Variants in GPAT3 observed in about 807,000 individuals in gnomAD.
GPAT3 encodes the protein glycerol-3-phosphate acyltransferase 3.
A neutral mutation model predicts 58.8 loss-of-function variants in GPAT3; 53 were observed. The ratio of observed to expected loss-of-function variants is 0.90; its 90% CI spans 0.72 to 1.13. The LOEUF (loss-of-function observed/expected upper bound fraction) is 1.13. Ranked by LOEUF, GPAT3 falls within the 50% of genes most tolerant of loss-of-function variation. GPAT3 has a pLI of 0.00. For synonymous variants in GPAT3, 197 were observed against 187.4 expected (o/e 1.05, Z -0.42); for missense variants, 511 against 527.6 (o/e 0.97, Z 0.31).
At chr4:83,597,379 A>T (rs1428500569) in intron 8 of GPAT3, 51 bp from the exon 9 acceptor site, 4 of 985,720 alleles carry the variant, frequency 4.1e-6, no homozygotes, top group Non-Finnish European at 5.8e-6. Context: ...ATTTATTTTT[A>T]AAATGACTGC....
chr4:83,587,442 T>A, intron 4 of GPAT3, 113 bp downstream of exon 4: 11 of 1,007,736 alleles, frequency 1.1e-5, no homozygotes, highest in East Asian at 2.6e-5. Context: ...TATTATTATT[T>A]TTGAGACGGA....
chr4:83,546,872 C>A (rs572849810), intron 2 of GPAT3, among the ~76,000 whole-genome samples: 82 of 152,084 alleles, frequency 5.4e-4, no homozygotes, highest in Non-Finnish European at 9.1e-4. Flanking sequence ...CAACTTTGCT[C>A]CCCTCCTGAT....
intron 11 of GPAT3, among the ~76,000 whole-genome samples, chr4:83,599,997 G>C (rs191692541): frequency 6.1e-4 from 93 of 152,130 alleles, no homozygotes; most frequent in Non-Finnish European, 1.5e-4. Context: ...TGTGAATGTG[G>C]TCTCTCTCTT....
rs1052473 is a variant in GPAT3 at position 83,605,420 on chromosome 4, A to G, written c.*653A>G. 0.68 allele frequency: 103,584 copies of G among 152,098 alleles called. 36,239 individuals carry two copies. Among genetic ancestry groups the G allele is most frequent in the African/African-American group, 0.85 (35,259 of 41,536 alleles). 9.4% of individuals were successfully genotyped at this position (152,098 alleles called of 1,614,324 possible). On this transcript the variant is annotated 3_prime_UTR_variant, in exon 12 of 12. Coordinates refer to ENST00000264409, the MANE Select transcript of GPAT3 (RefSeq NM_032717.5). ...TAGGCAGCTCGTAGACCACATTTTA[A>G]CCAGCAACTGGTAACAAAGAGCTTA...
At chr4:83,540,901 G>GC (rs1478141445) in intron 1 of GPAT3, among the ~76,000 whole-genome samples, 24 of 151,980 alleles carry the variant, frequency 1.6e-4, no homozygotes, top group African/African-American at 5.3e-4. Context: ...TGTTGGTCAG[G>GC]CTGGTCTCCG....
intron 11 of GPAT3, among the ~76,000 whole-genome samples, chr4:83,602,960 T>G (rs1341109201): frequency 1.3e-5 from 2 of 152,202 alleles, no homozygotes; most frequent in Non-Finnish European, 2.9e-5. Context: ...GTTTTTAAGT[T>G]GAGGACTTAT....
At chr4:83,552,664 G>A (rs957935962) in intron 2 of GPAT3, among the ~76,000 whole-genome samples, 6 of 152,124 alleles carry the variant, frequency 3.9e-5, no homozygotes, top group African/African-American at 1.4e-4. Flanking sequence ...ATAATCTAAC[G>A]AGAATATACT....
Position 83,544,391 on chromosome 4 carries a change from A to G in GPAT3, c.142-145A>G, listed in dbSNP as rs1043630664. Reference sequence around the variant, plus strand: ...TATACTTGGGACTTGGAATATTGCTATATCAGAGATTCCCTGGGGTTAGCT... The same window carrying G: ...TATACTTGGGACTTGGAATATTGCTGTATCAGAGATTCCCTGGGGTTAGCT... On this transcript the variant is annotated intron_variant, in intron 1 of 11. Coordinates refer to ENST00000264409, the MANE Select transcript of GPAT3 (RefSeq NM_032717.5). 4 of 785,736 alleles carry G rather than the reference A, an allele frequency of 5.1e-6. No homozygotes were observed. The East Asian group carries it at 9.9e-5, about 19-fold the overall frequency. The allele number at this position is 785,736 out of a possible 1,614,324, so 48.7% of individuals were successfully genotyped here.
chr4:83,572,065 G>A (rs749157824), intron 2 of GPAT3, among the ~76,000 whole-genome samples: 12 of 152,160 alleles, frequency 7.9e-5, no homozygotes, highest in Non-Finnish European at 1.5e-4. Flanking sequence ...GAGCCACTGC[G>A]CTTGGCTTCA....
rs1297750353 is a variant in GPAT3, at chr4:83,536,323, C to G, written c.-300C>G. 7 of 1,121,864 alleles carry G rather than the reference C, an allele frequency of 6.2e-6. No homozygotes were observed. Among genetic ancestry groups the G allele is most frequent in the Non-Finnish European group, 7.6e-6 (7 of 917,146 alleles). The allele number at this position is 1,121,864 out of a possible 1,614,324, so 69.5% of individuals were successfully genotyped here. On this transcript the variant is annotated 5_prime_UTR_variant, in exon 1 of 12. Coordinates refer to ENST00000264409, the MANE Select transcript of GPAT3 (RefSeq NM_032717.5). Reference sequence around the variant, plus strand: ...CGCGCCGCGGTGTGCCTCCGCTTACCCGCAGCTCCGACCACTGGCTCGCGC... The same window carrying G: ...CGCGCCGCGGTGTGCCTCCGCTTACGCGCAGCTCCGACCACTGGCTCGCGC...
chr4:83,541,954 A>T (rs1362337524), intron 1 of GPAT3, among the ~76,000 whole-genome samples: 2 of 152,166 alleles, frequency 1.3e-5, no homozygotes, highest in African/African-American at 4.8e-5. Context: ...CATCAGTCAG[A>T]TTGGATTAGG....
intron 4 of GPAT3, 94 bp downstream of exon 4, chr4:83,587,423 C>CATT (rs369217027): frequency 3.3e-5 from 36 of 1,091,652 alleles, no homozygotes; most frequent in South Asian, 7.3e-5. Context: ...CTATGTATTG[C>CATT]ATTATTATTA....
In GPAT3 at chr4:83,588,160, T is replaced by TTCAA. The variant is rs1339786815; in HGVS notation, c.555-48_555-47insAATC. 6 of 1,530,198 alleles carry TTCAA rather than the reference T, an allele frequency of 3.9e-6. No homozygotes were observed. The Admixed American group carries it at 8.4e-5, about 22-fold the overall frequency. The allele number at this position is 1,530,198 out of a possible 1,614,324, so 94.8% of individuals were successfully genotyped here. ...CACATTAAAACCTTTATTATATTGT[T>TTCAA]TCTTAAGAGTGCCCAGAATGGCACA... On this transcript the variant is annotated intron_variant, in intron 4 of 11. Coordinates refer to ENST00000264409, the MANE Select transcript of GPAT3 (RefSeq NM_032717.5).
intron 2 of GPAT3, among the ~76,000 whole-genome samples, chr4:83,562,214 T>TATATATATTATATATATATA (rs1725183763): frequency 1.3e-5 from 1 of 77,122 alleles, no homozygotes; most frequent in African/African-American, 6.0e-5. Flanking sequence ...ATATATATTA[T>TATATATATTATATATATATA]ATATATATAT....
rs1038760706 is a variant in GPAT3 at position 83,536,874 on chromosome 4, G to A, written c.141+111G>A. 6.0e-6 allele frequency: 6 copies of A among 1,001,316 alleles called. No individual in the cohort carries two copies. In the African/African-American group the frequency reaches 8.1e-5, roughly 13 times the overall value. The allele number at this position is 1,001,316 out of a possible 1,614,324, so 62.0% of individuals were successfully genotyped here. ...GTCAGGGGTGTGTGTGCGCGCGTGT[G>A]CATGCGTGCGTGCATTTCTGTTCCT... On this transcript the variant is annotated intron_variant, in intron 1 of 11. Coordinates refer to ENST00000264409, the MANE Select transcript of GPAT3 (RefSeq NM_032717.5).
chr4:83,598,052 A>T lies in GPAT3; in HGVS notation c.998A>T (p.Tyr333Phe). 1 of 1,613,584 alleles carries T rather than the reference A, an allele frequency of 6.2e-7. No homozygotes were observed. Among genetic ancestry groups the T allele is most frequent in the African/African-American group, 1.3e-5 (1 of 74,970 alleles). The change falls in exon 10 of 12, where the codon TAT becomes TTT. Residue 333 changes from tyrosine to phenylalanine, a missense_variant and splice_region_variant. Transcript: ENST00000264409. ...GGTIHPVAIK[Y>F]NPQFGDAFWN... ...GAGATGTATTTTCTTTTTTCTCAGT[A>T]TAACCCTCAGTTCGGTGATGCATTT...
intron 3 of GPAT3, among the ~76,000 whole-genome samples, chr4:83,585,510 C>T (rs1726345178): frequency 1.3e-5 from 2 of 151,776 alleles, no homozygotes; most frequent in South Asian, 2.1e-4. Flanking sequence ...TATATCAGTA[C>T]AGAATATGCA....
Position 83,587,317 on chromosome 4 carries a change from T to C in GPAT3, c.542T>C (p.Leu181Pro). 1 of 1,613,754 alleles carries C rather than the reference T, an allele frequency of 6.2e-7. No individual in the cohort carries two copies. Among genetic ancestry groups the C allele is most frequent in the Middle Eastern group, 1.7e-4 (1 of 6,060 alleles). The change falls in exon 4 of 12, where the codon CTG becomes CCG. Residue 181 changes from leucine to proline, a missense_variant. Leu to Pro is a moderately conservative substitution (Grantham distance 98). Transcript: ENST00000264409. ...ATAGGAACTACACTGGTTGGGCAGCTGCCAGACAGCAGGTGAAATGTTTCC... is the reference window on the plus strand; with the variant it reads ...ATAGGAACTACACTGGTTGGGCAGCCGCCAGACAGCAGGTGAAATGTTTCC... Reference protein sequence around the residue: ...LVIGTTLVGQLPDSSLKNWLS... With the variant: ...LVIGTTLVGQPPDSSLKNWLS...
At chr4:83,594,248 T>C (rs1726728879) in intron 6 of GPAT3, among the ~76,000 whole-genome samples, 1 of 152,252 alleles carries the variant, frequency 6.6e-6, no homozygotes, top group African/African-American at 2.4e-5. Flanking sequence ...ATTTCTTATA[T>C]TTGGACATTT....
Sources: gnomAD v4.1 joint callset for allele counts (sites outside exome capture counted in the v4.1 genomes callset) on GRCh38, gnomAD v4.1.1 for gene constraint, MANE v1.5 for transcripts, NCBI Gene and HGNC (gene_info 2026-07-23, HGNC 2026-07-21) for gene names.